The following AK6 variants were observed in gnomAD, a reference collection of about 807,000 sequenced individuals.
AK6 encodes the protein adenylate kinase 6, also known as adenylate kinase isoenzyme 6.
AK6 carries 24 observed loss-of-function variants against 23.7 expected under a neutral mutation model. The ratio of observed to expected loss-of-function variants is 1.01; its 90% CI spans 0.73 to 1.43. The LOEUF is 1.43. Ranked by LOEUF, AK6 falls within the 40% of genes most tolerant of loss-of-function variation. The probability of loss-of-function intolerance (pLI) is 0.00; values close to 1 mark genes in which losing one functional copy is unlikely to be tolerated. For synonymous variants in AK6, 73 were observed against 69.8 expected (o/e 1.05, Z -0.23); for missense variants, 191 against 199.1 (o/e 0.96, Z 0.24).
upstream of AK6, chr5:69,369,555 G>A (rs1262614054): frequency 2.5e-6 from 4 of 1,609,194 alleles, no homozygotes; most frequent in African/African-American, 1.3e-5. Flanking sequence ...GGAGGAGCCG[G>A]AAGGGGCGGG....
intron 2 of AK6, among the ~76,000 whole-genome samples, chr5:69,363,071 A>AT (rs879412806): frequency 5.9e-5 from 9 of 152,006 alleles, no homozygotes; most frequent in Non-Finnish European, 1.2e-4. Context: ...TGCAAAAATA[A>AT]TTTTAAGTTA....
At chr5:69,369,600 A>AG (rs1762780611), upstream of AK6, 1 of 1,589,932 alleles carries the variant, frequency 6.3e-7, no homozygotes, top group Non-Finnish European at 8.6e-7. Flanking sequence ...AAGGCCCCGA[A>AG]GCCCACCGCG....
chr5:69,359,164 T>C (rs566391494), intron 2 of AK6, among the ~76,000 whole-genome samples: 1 of 152,018 alleles, frequency 6.6e-6, no homozygotes, highest in Non-Finnish European at 1.5e-5. Flanking sequence ...GAGGACTGCT[T>C]GAGGCTGGAG....
intron 2 of AK6, among the ~76,000 whole-genome samples, chr5:69,359,015 AG>A (rs1762157924): frequency 6.6e-6 from 1 of 151,538 alleles, no homozygotes; most frequent in Admixed American, 6.6e-5. Flanking sequence ...CCGAGGTGGG[AG>A]GATCTCTTGA....
chr5:69,355,857 T>C, intron 3 of AK6, 38 bp downstream of exon 3: 1 of 1,599,130 alleles, frequency 6.3e-7, no homozygotes, highest in Non-Finnish European at 8.5e-7. Flanking sequence ...TCCTATGAAA[T>C]TCAACAAATG....
intron 2 of AK6, among the ~76,000 whole-genome samples, chr5:69,358,517 C>CAAAAAA (rs5868577): frequency 2.1e-3 from 111 of 54,086 alleles, no homozygotes; most frequent in Middle Eastern, 0.011. Context: ...GACTCTGTCT[C>CAAAAAA]AAAAAAAAAA....
chr5:69,351,405 T>C lies in AK6; in HGVS notation c.*656A>G, dbSNP rs1394679663. ...TCAACTAAAAAAAAGAACAGGGAGG[T>C]CTGTACTGAGATGATATAATCTTCA... is the stretch of plus-strand genomic sequence containing the variant. On this transcript the variant is annotated 3_prime_UTR_variant, in exon 5 of 5. Coordinates refer to ENST00000380822, the MANE Select transcript of AK6 (RefSeq NM_016283.5). 2 of 151,840 alleles carry C rather than the reference T, an allele frequency of 1.3e-5. No individual in the cohort carries two copies. Among genetic ancestry groups the C allele is most frequent in the African/African-American group, 4.8e-5 (2 of 41,336 alleles). 9.4% of individuals were successfully genotyped at this position (151,840 alleles called of 1,614,324 possible). A position where few individuals can be genotyped will look rare whatever the true frequency, so the allele number is the denominator to read the frequency against.
At chr5:69,356,180 A>G (rs1206476453) in intron 2 of AK6, among the ~76,000 whole-genome samples, 1 of 152,206 alleles carries the variant, frequency 6.6e-6, no homozygotes, top group Non-Finnish European at 1.5e-5. Flanking sequence ...AATATATCTG[A>G]AACTGCTTTA....
chr5:69,365,615 C>T (rs751326519), intron 2 of AK6: 470 of 1,613,988 alleles, frequency 2.9e-4, no homozygotes, highest in Non-Finnish European at 3.9e-4. Context: ...GGAAGGCAAA[C>T]TCCAACATCT....
At chr5:69,367,917 C>T (rs1762544616) in intron 1 of AK6, 1 of 152,226 alleles carries the variant, frequency 6.6e-6, no homozygotes, top group African/African-American at 2.4e-5. Flanking sequence ...GTAATCCCAG[C>T]AATTTGGGAG....
intron 2 of AK6, 105 bp from the exon 3 acceptor site, chr5:69,356,058 T>G (rs1041899776): frequency 2.1e-6 from 2 of 955,216 alleles, no homozygotes; most frequent in Non-Finnish European, 3.1e-6. Context: ...TCAATTATTC[T>G]TTTAGATACA....
At chr5:69,366,830 C>T (rs1762451013) in intron 1 of AK6, 2 of 478,142 alleles carry the variant, frequency 4.2e-6, no homozygotes, top group African/African-American at 3.9e-5. Context: ...ACAATCTTGG[C>T]TCACTGCAAC....
At position 69,355,783 on chromosome 5, in the gene AK6, C is replaced by T. The variant is rs11542579; in HGVS notation, c.192G>A (p.Glu64=). Reference sequence around the variant, plus strand: ...CACCTTCTCTCATTTGGTTATCTAACTCATCAACTACCTGTAAGAAAAGTT... The same window carrying T: ...CACCTTCTCTCATTTGGTTATCTAATTCATCAACTACCTGTAAGAAAAGTT... ...PILDEDRVVD[E]LDNQMREGGV... is the part of the protein sequence containing the mutation. Residue 64 remains glutamate (E), a synonymous_variant, in exon 4 of 5, where the codon GAG becomes GAA. Transcript: ENST00000380822. 83 of 1,607,286 alleles carry T rather than the reference C, an allele frequency of 5.2e-5. 2 individuals carry two copies. The South Asian group carries it at 6.7e-4, about 13-fold the overall frequency.
intron 2 of AK6, among the ~76,000 whole-genome samples, chr5:69,363,661 G>A (rs4252237): frequency 1.0e-3 from 155 of 152,254 alleles, no homozygotes; most frequent in African/African-American, 3.6e-3. Context: ...GCAGGTGCCT[G>A]TAGTCCCAGC....
intron 4 of AK6, among the ~76,000 whole-genome samples, chr5:69,353,408 C>T (rs956104555): frequency 6.6e-6 from 1 of 152,006 alleles, no homozygotes; most frequent in Non-Finnish European, 1.5e-5. Context: ...AGCAATTCTC[C>T]TGCCTCAGCC....
chr5:69,364,957 A>C lies in AK6; in HGVS notation c.121+1546T>G. 1 of 1,611,020 alleles carries C rather than the reference A, an allele frequency of 6.2e-7. No individual in the cohort carries two copies. Among genetic ancestry groups the C allele is most frequent in the East Asian group, 2.2e-5 (1 of 44,868 alleles). On this transcript the variant is annotated intron_variant, in intron 2 of 4. Transcript: ENST00000380822. ...GCAAGGCTAGATTACAGATTATCAT[A>C]GTCATCATCATCATCATCGTCATCA...
upstream of AK6, chr5:69,369,544 G>A (rs959785678): frequency 1.3e-5 from 21 of 1,610,268 alleles, no homozygotes; most frequent in South Asian, 1.8e-4. Flanking sequence ...TTGCTCTACA[G>A]GGAGGAGCCG....
chr5:69,353,357 G>A (rs1342565461), intron 4 of AK6, among the ~76,000 whole-genome samples: 3 of 152,124 alleles, frequency 2.0e-5, no homozygotes, highest in South Asian at 2.1e-4. Context: ...GAGTGCAGTG[G>A]TGTGATCTCG....
rs376649410 is a variant in AK6, at chr5:69,369,500, C to G, written c.-10G>C. The G allele has an allele frequency of 6.2e-7, 1 of 1,611,534 alleles. No homozygotes were observed. Among genetic ancestry groups the G allele is most frequent in the Non-Finnish European group, 8.5e-7 (1 of 1,179,360 alleles). On this transcript the variant is annotated 5_prime_UTR_variant, in exon 1 of 5. Coordinates refer to ENST00000380822, the MANE Select transcript of AK6 (RefSeq NM_016283.5). ...TGTTCGGAAGCAACATGGTCCCCGC[C>G]GCGACGGCTTCGGGCGCCTCGCTCA... is the stretch of plus-strand genomic sequence containing the variant.
Sources: gnomAD v4.1 joint callset for allele counts (sites outside exome capture counted in the v4.1 genomes callset) on GRCh38, gnomAD v4.1.1 for gene constraint, MANE v1.5 for transcripts, NCBI Gene and HGNC (gene_info 2026-07-23, HGNC 2026-07-21) for gene names.